SFI1: variants seen among roughly 807,000 people sequenced by gnomAD.
SFI1 encodes SFI1 centrin binding protein.
Under a neutral mutation model 207.5 loss-of-function variants are expected in SFI1, and 195 were observed. The observed-to-expected ratio is 0.94, with a 90% CI of 0.84 to 1.06. The LOEUF (loss-of-function observed/expected upper bound fraction) is 1.06, where lower values mean the gene tolerates loss of function less well. Among genes scored for constraint, SFI1 ranks in the 50% least tolerant of loss-of-function variants. The probability of loss-of-function intolerance (pLI) is 0.00; values close to 1 mark genes in which losing one functional copy is unlikely to be tolerated. For missense variants in SFI1, 1,634 were observed against 1,588.0 expected (o/e 1.03, Z -0.49); for synonymous variants, 630 against 598.9 (o/e 1.05, Z -0.76).
chr22:31,604,863 C>T lies in SFI1; in HGVS notation c.1978-6C>T, dbSNP rs1486921263. ...GAGCAGCCTCAGTCTTCCTTGTCCC[C>T]TACAGACTTACCAGGGCAGGGTGCG... On this transcript the variant is annotated splice_polypyrimidine_tract_variant and splice_region_variant and intron_variant, in intron 19 of 32. Transcript: ENST00000400288. 1.2e-6 allele frequency: 2 copies of T among 1,611,376 alleles called. No individual in the cohort carries two copies. The highest frequency in any genetic ancestry group is 2.2e-5 in the South Asian group (2 of 90,774).
At chr22:31,499,178 T>G (rs1469003676) in intron 1 of SFI1, among the ~76,000 whole-genome samples, 2 of 152,068 alleles carry the variant, frequency 1.3e-5, no homozygotes, top group Non-Finnish European at 2.9e-5. Context: ...CGCTAATTTT[T>G]TTTTTGAGAT....
At chr22:31,519,066 A>G (rs2056882837) in intron 2 of SFI1, among the ~76,000 whole-genome samples, 1 of 152,156 alleles carries the variant, frequency 6.6e-6, no homozygotes, top group African/African-American at 2.4e-5. Context: ...AAGATTGAAG[A>G]AAAAATCGTA....
intron 8 of SFI1, among the ~76,000 whole-genome samples, chr22:31,567,575 G>C (rs539384669): frequency 1.2e-4 from 18 of 151,776 alleles, no homozygotes; most frequent in Non-Finnish European, 1.8e-4. Context: ...TGGAGGGGGG[G>C]GGTGTGTGTG....
At chr22:31,611,972 C>T in intron 24 of SFI1, 132 bp downstream of exon 24, 1 of 1,446,590 alleles carries the variant, frequency 6.9e-7, no homozygotes, top group Non-Finnish European at 9.1e-7. Context: ...AGGGCCACCT[C>T]CTCTACCACC....
intron 4 of SFI1, among the ~76,000 whole-genome samples, chr22:31,541,384 A>C (rs188204697): frequency 6.6e-6 from 1 of 152,108 alleles, no homozygotes; most frequent in Non-Finnish European, 1.5e-5. Context: ...CTGTTATTTA[A>C]TGCGGCGTGG....
intron 15 of SFI1, among the ~76,000 whole-genome samples, chr22:31,595,827 T>C (rs1312752653): frequency 6.6e-6 from 1 of 152,158 alleles, no homozygotes; most frequent in East Asian, 1.9e-4. Context: ...ATTCGAAAGA[T>C]ATTTGAGCAG....
At chr22:31,582,224 A>ATATATATATAT (rs2064347770) in intron 12 of SFI1, among the ~76,000 whole-genome samples, 1 of 33,912 alleles carries the variant, frequency 2.9e-5, no homozygotes, top group African/African-American at 1.1e-4. Flanking sequence ...ATATATATAT[A>ATATATATATAT]TATATATATA....
At chr22:31,608,208 G>C (rs1300265279) in intron 22 of SFI1, among the ~76,000 whole-genome samples, 175 bp downstream of exon 22, 2 of 152,282 alleles carry the variant, frequency 1.3e-5, no homozygotes, top group East Asian at 3.9e-4. Flanking sequence ...TGCCCTCTCA[G>C]TTCTGGAGGC....
At chr22:31,570,199 T>A (rs1025727937) in intron 8 of SFI1, among the ~76,000 whole-genome samples, 2 of 152,130 alleles carry the variant, frequency 1.3e-5, no homozygotes, top group Non-Finnish European at 2.9e-5. Flanking sequence ...TAAGAAGCTA[T>A]TACAAAATTC....
intron 15 of SFI1, among the ~76,000 whole-genome samples, chr22:31,591,150 T>C (rs976150709): frequency 1.3e-5 from 2 of 152,086 alleles, no homozygotes; most frequent in Non-Finnish European, 2.9e-5. Context: ...TTACTTGAGA[T>C]TAGGGAGTGG....
chr22:31,538,981 T>A (rs1476337909), intron 4 of SFI1, among the ~76,000 whole-genome samples: 1 of 152,180 alleles, frequency 6.6e-6, no homozygotes, highest in Non-Finnish European at 1.5e-5. Flanking sequence ...TGCCCGAAAC[T>A]GAAATCGTCA....
chr22:31,591,459 G>A (rs910226445), intron 15 of SFI1, among the ~76,000 whole-genome samples: 2 of 151,942 alleles, frequency 1.3e-5, no homozygotes, highest in African/African-American at 4.8e-5. Flanking sequence ...TGTCATCCTG[G>A]CCCGTTCTCA....
chr22:31,617,155 T>C, intron 31 of SFI1, 77 bp downstream of exon 31: 1 of 1,515,870 alleles, frequency 6.6e-7, no homozygotes, highest in Non-Finnish European at 9.1e-7. Flanking sequence ...GCAGTTCCAT[T>C]TCCCCCGAGC....
chr22:31,533,112 T>C (rs2147457198), intron 4 of SFI1, among the ~76,000 whole-genome samples: 1 of 152,310 alleles, frequency 6.6e-6, no homozygotes, highest in South Asian at 2.1e-4. Context: ...GTTGAAGGGT[T>C]GGTGGTCTCT....
chr22:31,512,034 A>G (rs991657850), intron 2 of SFI1, among the ~76,000 whole-genome samples: 17 of 152,186 alleles, frequency 1.1e-4, no homozygotes, highest in African/African-American at 4.1e-4. Context: ...CAATGTAACC[A>G]TAACACAGGT....
chr22:31,515,552 G>A (rs1189084213), intron 2 of SFI1, among the ~76,000 whole-genome samples: 2 of 150,100 alleles, frequency 1.3e-5, no homozygotes. Flanking sequence ...CTCTGTGTGT[G>A]TGTGTGTGTG....
chr22:31,602,543 T>G (rs953544078), intron 16 of SFI1, 64 bp from the exon 17 acceptor site: 35 of 1,572,910 alleles, frequency 2.2e-5, no homozygotes, highest in African/African-American at 2.7e-5. Flanking sequence ...GTAAATTCTT[T>G]CCTGGCTTCT....
At chr22:31,497,810 A>G (rs1187105931) in intron 1 of SFI1, among the ~76,000 whole-genome samples, 1 of 152,198 alleles carries the variant, frequency 6.6e-6, no homozygotes, top group Non-Finnish European at 1.5e-5. Context: ...CCTACTATCG[A>G]GACCTACTGT....
intron 8 of SFI1, among the ~76,000 whole-genome samples, chr22:31,564,853 G>A (rs530894555): frequency 8.1e-5 from 10 of 124,114 alleles, no homozygotes; most frequent in South Asian, 5.1e-4. Flanking sequence ...TTGCTCTGTC[G>A]CCCAGGCTGG....
Sources: allele counts gnomAD v4.1 joint callset (sites outside exome capture counted in the v4.1 genomes callset), GRCh38; gene constraint gnomAD v4.1.1; transcripts MANE v1.5; gene names NCBI Gene and HGNC (gene_info 2026-07-23, HGNC 2026-07-21).